Variants in NRG1 observed in about 807,000 individuals in gnomAD.
NRG1 encodes neuregulin 1.
NRG1 carries 18 observed loss-of-function variants against 63.8 expected under a neutral mutation model. The ratio of observed to expected loss-of-function variants is 0.28; its 90% CI spans 0.19 to 0.42. The LOEUF is 0.42. Ranked by LOEUF, NRG1 falls within the 10% of genes least tolerant of loss-of-function variation. NRG1 has a pLI of 1.00. For missense variants in NRG1, 762 were observed against 814.7 expected (o/e 0.94, Z 0.79); for synonymous variants, 302 against 301.3 (o/e 1.00, Z -0.02).
At chr8:32,770,521 T>C (rs556521421), downstream of NRG1, among the ~76,000 whole-genome samples, 13 of 152,310 alleles carry the variant, frequency 8.5e-5, 1 homozygote, top group East Asian at 2.3e-3. Context: ...CAGCTAAGTT[T>C]CTTTTTAGAA....
chr8:32,157,049 CGTGT>C (rs34725608), intron 1 of NRG1, among the ~76,000 whole-genome samples: 62,833 of 140,734 alleles, frequency 0.45, 14,186 homozygotes, highest in Admixed American at 0.57. Flanking sequence ...AATTAAAACT[CGTGT>C]GTGTGTGTGT....
chr8:32,751,858 A>G (rs1828804630), intron 7 of NRG1, among the ~76,000 whole-genome samples: 1 of 151,530 alleles, frequency 6.6e-6, no homozygotes, highest in African/African-American at 2.5e-5. Flanking sequence ...AGCTCAATCT[A>G]TTCTTCTGTA....
In NRG1 at chr8:32,030,477, T is replaced by A. The variant is rs542236546; in HGVS notation, c.37+391046T>A. ...CTTCTAAGGTATAAATTACCTTATT[T>A]TAAGCAACTTTTTCACCTTTTCAAC... On this transcript the variant is annotated intron_variant, in intron 1 of 10. Coordinates refer to the NRG1 transcript ENST00000519301. 13 of 152,270 alleles carry A rather than the reference T, an allele frequency of 8.5e-5. No homozygotes were observed. The East Asian group carries it at 2.3e-3, about 27-fold the overall frequency. The allele number at this position is 152,270 out of a possible 1,614,324, so 9.4% of individuals were successfully genotyped here.
intron 1 of NRG1, among the ~76,000 whole-genome samples, chr8:32,412,423 CATATATATATATATATATATATATATA>C (rs1563428301): frequency 1.0e-3 from 95 of 92,956 alleles, no homozygotes; most frequent in Non-Finnish European, 1.1e-3. Context: ...TCTCTCTCTA[CATATATATATATATATATATATATATA>C]TACATATATA....
At chr8:32,677,197 A>G (rs1807351280) in intron 5 of NRG1, among the ~76,000 whole-genome samples, 1 of 152,182 alleles carries the variant, frequency 6.6e-6, no homozygotes, top group Non-Finnish European at 1.5e-5. Flanking sequence ...TTTGAAATTT[A>G]TTAGTAAATA....
chr8:32,233,103 G>T lies in NRG1; in HGVS notation c.38-362725G>T, dbSNP rs113096723. Among the ~76,000 whole-genome samples, 809 of 151,994 alleles carry T rather than the reference G, an allele frequency of 5.3e-3. 6 individuals carry two copies. The highest frequency in any genetic ancestry group is 1.0e-2 in the African/African-American group (413 of 41,424). On this transcript the variant is annotated intron_variant, in intron 1 of 10. Coordinates refer to the NRG1 transcript ENST00000519301. ...TCCTTTGAAGTGTATATTATTATTAGTAGTAGTAGTATTTTGGAGACAGGG... is the reference window on the plus strand; with the variant it reads ...TCCTTTGAAGTGTATATTATTATTATTAGTAGTAGTATTTTGGAGACAGGG...
At chr8:32,415,731 T>G (rs961130318) in intron 1 of NRG1, among the ~76,000 whole-genome samples, 2 of 152,214 alleles carry the variant, frequency 1.3e-5, no homozygotes, top group African/African-American at 4.8e-5. Flanking sequence ...TTTAACTCTC[T>G]TTGTATTTGT....
intron 1 of NRG1, among the ~76,000 whole-genome samples, chr8:31,948,571 T>C (rs2129622503): frequency 6.6e-6 from 1 of 152,290 alleles, no homozygotes. Flanking sequence ...TTTATAATCT[T>C]CAGAGTGATC....
At chr8:32,533,030 G>A (rs1174303276) in intron 1 of NRG1, among the ~76,000 whole-genome samples, 2 of 126,604 alleles carry the variant, frequency 1.6e-5, no homozygotes, top group African/African-American at 5.5e-5. Context: ...ACTTGCTGAT[G>A]TTTCACCAAA....
At chr8:31,801,467 G>A (rs1821779414) in intron 1 of NRG1, among the ~76,000 whole-genome samples, 1 of 151,962 alleles carries the variant, frequency 6.6e-6, no homozygotes. Flanking sequence ...TTTCTCATTT[G>A]TCGCTGTAAC....
At position 31,794,458 on chromosome 8, in the gene NRG1, T is replaced by C. The variant is rs894189525; in HGVS notation, c.37+155027T>C. 4.0e-5 allele frequency among the ~76,000 whole-genome samples: 6 copies of C among 151,112 alleles called. No individual in the cohort carries two copies. In the East Asian group the frequency reaches 9.7e-4, roughly 24 times the overall value. On this transcript the variant is annotated intron_variant, in intron 1 of 10. Transcript: ENST00000519301. ...TCCTCTCAAGGAATTTGTAATCTAG[T>C]ATGAGGGAAACTGTGTAAATAAATA...
chr8:31,790,890 C>T (rs191405847), intron 1 of NRG1, among the ~76,000 whole-genome samples: 1 of 152,208 alleles, frequency 6.6e-6, no homozygotes. Flanking sequence ...TGATTCTCAG[C>T]ACAGAACTCT....
intron 1 of NRG1, among the ~76,000 whole-genome samples, chr8:31,881,491 A>G (rs1830341965): frequency 6.6e-6 from 1 of 152,184 alleles, no homozygotes; most frequent in Admixed American, 6.6e-5. Flanking sequence ...AGGCAAATTC[A>G]CAACCCTATA....
chr8:31,844,690 T>C (rs1437381716), intron 1 of NRG1, among the ~76,000 whole-genome samples: 1 of 152,136 alleles, frequency 6.6e-6, no homozygotes, highest in East Asian at 1.9e-4. Flanking sequence ...TGAAGGTAGA[T>C]AATAAAACCT....
At chr8:31,843,828 A>C (rs900459031) in intron 1 of NRG1, among the ~76,000 whole-genome samples, 1 of 152,212 alleles carries the variant, frequency 6.6e-6, no homozygotes, top group African/African-American at 2.4e-5. Flanking sequence ...CTATGGGGAA[A>C]AAAAGGTTCA....
At chr8:32,191,866 G>A (rs924304633) in intron 1 of NRG1, among the ~76,000 whole-genome samples, 5 of 152,190 alleles carry the variant, frequency 3.3e-5, no homozygotes, top group African/African-American at 9.6e-5. Context: ...ATGCTGAAAT[G>A]TCAAACCTAA....
rs1268108781 is a variant in NRG1, at chr8:31,643,547, C to T, written c.37+4116C>T. ...TCTTTGAAAAATGGACCTTTGGAAA[C>T]AGAAACTATGAGTGTATTTTAGAAG... On this transcript the variant is annotated intron_variant, in intron 1 of 10. Coordinates refer to the NRG1 transcript ENST00000519301. Among the ~76,000 whole-genome samples, 8 of 152,286 alleles carry T rather than the reference C, an allele frequency of 5.3e-5. No individual in the cohort carries two copies. In the East Asian group the frequency reaches 9.6e-4, roughly 18 times the overall value.
intron 1 of NRG1, among the ~76,000 whole-genome samples, chr8:31,848,364 C>T (rs1826885207): frequency 6.6e-6 from 1 of 152,134 alleles, no homozygotes. Flanking sequence ...ATGTGCCTAG[C>T]CAATATTTTC....
intron 1 of NRG1, among the ~76,000 whole-genome samples, chr8:32,353,969 A>G (rs1228646499): frequency 6.6e-6 from 1 of 152,264 alleles, no homozygotes; most frequent in Non-Finnish European, 1.5e-5. Context: ...TATACAGTGT[A>G]GATAGTGGAA....
Sources: gnomAD v4.1 joint callset for allele counts (sites outside exome capture counted in the v4.1 genomes callset) on GRCh38, gnomAD v4.1.1 for gene constraint, MANE v1.5 for transcripts, NCBI Gene and HGNC (gene_info 2026-07-23, HGNC 2026-07-21) for gene names.